KCNC3: variants seen among roughly 807,000 people sequenced by gnomAD.
The protein encoded by KCNC3 is potassium voltage-gated channel subfamily C member 3, also known as voltage-gated potassium channel KCNC3.
Under a neutral mutation model 43.9 loss-of-function variants are expected in KCNC3, and 22 were observed. The observed-to-expected ratio is 0.50, with a 90% CI of 0.36 to 0.72. The LOEUF is 0.72. Among genes scored for constraint, KCNC3 ranks in the 30% least tolerant of loss-of-function variants. The pLI, the probability that KCNC3 is intolerant of heterozygous loss-of-function variation, is 0.00. For missense variants in KCNC3, 829 were observed against 1,073.8 expected (o/e 0.77, Z 3.19); for synonymous variants, 492 against 488.0 (o/e 1.01, Z -0.11).
intron 4 of KCNC3, among the ~76,000 whole-genome samples, chr19:50,318,839 G>A (rs1037614386): frequency 2.0e-5 from 3 of 151,976 alleles, no homozygotes; most frequent in African/African-American, 7.3e-5. Flanking sequence ...CACTTCGGGA[G>A]GCCAAGGCAG....
In KCNC3 at chr19:50,315,554, A is replaced by AGAGCAGGCAG. The variant is rs1481019689; in HGVS notation, c.*551_*560dup. ...GGGGCTGACCTAGTTGTAGGGAAAG[A>AGAGCAGGCAG]GAGCAGGCAGGGGGTGGGGTCTGCA... On this transcript the variant is annotated 3_prime_UTR_variant, in exon 5 of 5. Transcript: ENST00000477616. 2.1e-4 allele frequency: 31 copies of AGAGCAGGCAG among 145,184 alleles called. No individual in the cohort carries two copies. Among genetic ancestry groups the AGAGCAGGCAG allele is most frequent in the Admixed American group, 5.6e-4 (8 of 14,372 alleles). The allele number at this position is 145,184 out of a possible 1,614,324, so 9.0% of individuals were successfully genotyped here. A position where few individuals can be genotyped will look rare whatever the true frequency, so the allele number is the denominator to read the frequency against.
At chr19:50,322,830 T>C in intron 2 of KCNC3, 145 bp downstream of exon 2, 2 of 742,756 alleles carry the variant, frequency 2.7e-6, no homozygotes, top group Non-Finnish European at 4.4e-6. Context: ...TGTGCCTCCT[T>C]CTTCGCCTGA....
chr19:50,312,965 T>G lies in KCNC3; in HGVS notation c.*3150A>C, dbSNP rs1420512752. On this transcript the variant is annotated 3_prime_UTR_variant, in exon 5 of 5. Coordinates refer to ENST00000477616, the MANE Select transcript of KCNC3 (RefSeq NM_004977.3). ...GGGGGGACTCAAAATGCCCCTTGCA[T>G]AGGAATCGTTGCATCGAGAATCGTG... 1 of 151,798 alleles carries G rather than the reference T, an allele frequency of 6.6e-6. No homozygotes were observed. The highest frequency in any genetic ancestry group is 1.5e-5 in the Non-Finnish European group (1 of 67,928). 9.4% of individuals were successfully genotyped at this position (151,798 alleles called of 1,614,324 possible). A position where few individuals can be genotyped will look rare whatever the true frequency, so the allele number is the denominator to read the frequency against.
At chr19:50,321,263 T>C (rs1409551969) in intron 2 of KCNC3, among the ~76,000 whole-genome samples, 1 of 151,744 alleles carries the variant, frequency 6.6e-6, no homozygotes, top group Non-Finnish European at 1.5e-5. Flanking sequence ...AGGCCATGAG[T>C]TTGAGACCAG....
intron 1 of KCNC3, among the ~76,000 whole-genome samples, chr19:50,326,859 G>A (rs954645959): frequency 6.9e-6 from 1 of 145,294 alleles, no homozygotes; most frequent in African/African-American, 2.5e-5. Flanking sequence ...GAGAGAGAAG[G>A]CTCTTTGGTT....
chr19:50,320,475 G>T, intron 3 of KCNC3, 118 bp downstream of exon 3: 1 of 960,672 alleles, frequency 1.0e-6, no homozygotes, highest in Non-Finnish European at 1.6e-6. Context: ...GGCAGTTTGG[G>T]GCCAAGGGAA....
upstream of KCNC3, among the ~76,000 whole-genome samples, chr19:50,331,976 C>A (rs2037194788): frequency 6.6e-6 from 1 of 152,262 alleles, no homozygotes; most frequent in East Asian, 1.9e-4. Context: ...CCAGGAAGGT[C>A]GTTGCCCTCA....
chr19:50,331,334 C>T (rs912774701), upstream of KCNC3, among the ~76,000 whole-genome samples: 9 of 145,310 alleles, frequency 6.2e-5, no homozygotes, highest in Admixed American at 1.4e-4. Flanking sequence ...AGGGGTGTGC[C>T]TCTCTGTCTG....
chr19:50,317,038 A>C (rs1425022318), intron 4 of KCNC3, among the ~76,000 whole-genome samples: 2 of 85,956 alleles, frequency 2.3e-5, no homozygotes. Flanking sequence ...ATCCTCCCTC[A>C]CCCATAGGCC....
In KCNC3 at chr19:50,324,631, C is replaced by T. The variant is rs2037081028; in HGVS notation, c.871-549G>A. Among the ~76,000 whole-genome samples the T allele has an allele frequency of 6.6e-6, 1 of 152,110 alleles. No homozygotes were observed. Among genetic ancestry groups the T allele is most frequent in the South Asian group, 2.1e-4 (1 of 4,818 alleles). ...TGGCTTTTAACCTGTCAAAACTGGG[C>T]AAGGAGACTGAGCTTTCTGAACCAG... On this transcript the variant is annotated intron_variant, in intron 1 of 4. Coordinates refer to ENST00000477616, the MANE Select transcript of KCNC3 (RefSeq NM_004977.3). The surrounding 1 kb of genome is among the most constrained non-coding windows in gnomAD (Gnocchi z 4.1).
rs917774993 is a variant in KCNC3, at chr19:50,324,451, C to T, written c.871-369G>A. On this transcript the variant is annotated intron_variant, in intron 1 of 4. Coordinates refer to ENST00000477616, the MANE Select transcript of KCNC3 (RefSeq NM_004977.3). The surrounding 1 kb of genome is among the most constrained non-coding windows in gnomAD (Gnocchi z 4.1). ...CCCCCAGCAGGGTCCACGGGTTCTG[C>T]TGTGGGACGGGAGCCGCCAGGCCTA... 3.3e-5 allele frequency among the ~76,000 whole-genome samples: 5 copies of T among 152,108 alleles called. No individual in the cohort carries two copies. The highest frequency in any genetic ancestry group is 1.2e-4 in the African/African-American group (5 of 41,418).
At chr19:50,325,396 T>C (rs2037089741) in intron 1 of KCNC3, among the ~76,000 whole-genome samples, 1 of 151,948 alleles carries the variant, frequency 6.6e-6, no homozygotes, top group African/African-American at 2.4e-5. Flanking sequence ...GAGAGGACCT[T>C]GGACTTTGGG....
rs570469383 is a variant in KCNC3, at chr19:50,323,075, C to T, written c.1878G>A (p.Gly626=). 26 of 1,539,676 alleles carry T rather than the reference C, an allele frequency of 1.7e-5. No homozygotes were observed. The African/African-American group carries it at 3.3e-4, about 19-fold the overall frequency. The change falls in exon 2 of 5, where the codon GGG becomes GGA. Residue 626 remains glycine (G), a synonymous_variant. Coordinates refer to ENST00000477616, the MANE Select transcript of KCNC3 (RefSeq NM_004977.3). ...CCATGATCCCCAGCCCACCCGCTCCCCCCCTGAGCAGCCCGGGGTGCGTGT... is the reference window on the plus strand; with the variant it reads ...CCATGATCCCCAGCCCACCCGCTCCTCCCCTGAGCAGCCCGGGGTGCGTGT... ...GPHTHPGLLR[G]GAGGLGIMGL... is the part of the protein sequence containing the mutation.
upstream of KCNC3, among the ~76,000 whole-genome samples, chr19:50,331,901 C>T (rs2123555603): frequency 6.6e-6 from 1 of 152,264 alleles, no homozygotes; most frequent in Admixed American, 6.5e-5. Context: ...CCCTCTCTAA[C>T]CCCCGTCCTA....
chr19:50,320,912 A>T, intron 2 of KCNC3, 128 bp from the exon 3 acceptor site: 1 of 798,700 alleles, frequency 1.3e-6, no homozygotes, highest in South Asian at 1.6e-5. Flanking sequence ...CTGGAAGTGG[A>T]GATTCAAGGG....
Position 50,320,235 on chromosome 19 carries a change from G to C in KCNC3, c.*11C>G. ...GGGGGCTACTTACCCCGGGGGGAGG[G>C]GGTTCGTCCACTAGGGGGATATCCA... On this transcript the variant is annotated 3_prime_UTR_variant, in exon 4 of 5. Coordinates refer to ENST00000477616, the MANE Select transcript of KCNC3 (RefSeq NM_004977.3). 1 of 563,992 alleles carries C rather than the reference G, an allele frequency of 1.8e-6. No homozygotes were observed. The allele number at this position is 563,992 out of a possible 1,614,324, so 34.9% of individuals were successfully genotyped here.
rs143858509 is a variant in KCNC3 at position 50,326,418 on chromosome 19, C to G, written c.870+1795G>C. Among the ~76,000 whole-genome samples, 176 of 152,256 alleles carry G rather than the reference C, an allele frequency of 1.2e-3. 3 individuals carry two copies. In the East Asian group the frequency reaches 0.031, roughly 27 times the overall value. ...TCTTCCCCACCTCCCCCCATCCAAC[C>G]CCAAATCTCGCCAACTCAGCGCTTT... On this transcript the variant is annotated intron_variant, in intron 1 of 4. Coordinates refer to ENST00000477616, the MANE Select transcript of KCNC3 (RefSeq NM_004977.3).
At position 50,314,908 on chromosome 19, in the gene KCNC3, A is replaced by G. The variant is rs2036926924; in HGVS notation, c.*1207T>C. ...CGCGGCGGGCGGCCCGGGGAGAGCC[A>G]GGGGGGGTGGCAAGGGGCGCGAGGC... On this transcript the variant is annotated 3_prime_UTR_variant, in exon 5 of 5. Coordinates refer to ENST00000477616, the MANE Select transcript of KCNC3 (RefSeq NM_004977.3). 5 of 280,716 alleles carry G rather than the reference A, an allele frequency of 1.8e-5. No homozygotes were observed. The highest frequency in any genetic ancestry group is 2.8e-5 in the Non-Finnish European group (4 of 142,734). 17.4% of individuals were successfully genotyped at this position (280,716 alleles called of 1,614,324 possible). A position where few individuals can be genotyped will look rare whatever the true frequency, so the allele number is the denominator to read the frequency against.
chr19:50,322,793 T>C (rs560830690), intron 2 of KCNC3, among the ~76,000 whole-genome samples, 182 bp downstream of exon 2: 14 of 152,316 alleles, frequency 9.2e-5, no homozygotes, highest in Admixed American at 6.5e-4. Flanking sequence ...CTCTTTCCCA[T>C]GAAACCTATG....
Sources: gnomAD v4.1 joint callset for allele counts (sites outside exome capture counted in the v4.1 genomes callset) on GRCh38, gnomAD v4.1.1 for gene constraint, Gnocchi (gnomAD v3.1) non-coding constraint, MANE v1.5 for transcripts, NCBI Gene and HGNC (gene_info 2026-07-23, HGNC 2026-07-21) for gene names.